Variants in RNF220 observed in about 807,000 individuals in gnomAD.
RNF220 encodes the protein ring finger protein 220, also known as E3 ubiquitin-protein ligase RNF220.
In RNF220, 7 loss-of-function variants were observed where a neutral mutation model predicts 67.1. The observed-to-expected ratio is 0.10, with a 90% CI of 0.06 to 0.20. The LOEUF is 0.20. Ranked by LOEUF, RNF220 falls within the 10% of genes least tolerant of loss-of-function variation. The pLI is 1.00. For missense variants in RNF220, 565 were observed against 740.3 expected, an observed-to-expected ratio of 0.76 and a Z score of 2.75; for synonymous variants, 270 against 283.2, an observed-to-expected ratio of 0.95 and a Z score of 0.47.
At chr1:44,560,100 T>G (rs2148286509) in intron 2 of RNF220, among the ~76,000 whole-genome samples, 1 of 152,306 alleles carries the variant, frequency 6.6e-6, no homozygotes, top group South Asian at 2.1e-4. Flanking sequence ...CTGCAGCTAC[T>G]TGATGACGGC....
intron 2 of RNF220, among the ~76,000 whole-genome samples, chr1:44,517,311 C>T (rs1049293719): frequency 1.3e-5 from 2 of 152,150 alleles, no homozygotes; most frequent in Non-Finnish European, 2.9e-5. Flanking sequence ...TCCCGGACCC[C>T]CATCTCTCCT....
At chr1:44,639,388 A>T (rs1644424131) in intron 8 of RNF220, among the ~76,000 whole-genome samples, 1 of 152,230 alleles carries the variant, frequency 6.6e-6, no homozygotes, top group Admixed American at 6.5e-5. Context: ...TCTGGAAGGG[A>T]CATGCTGGAA....
At chr1:44,631,861 C>A (rs1185492699) in intron 5 of RNF220, 3 of 974,264 alleles carry the variant, frequency 3.1e-6, no homozygotes, top group Non-Finnish European at 3.7e-6. Flanking sequence ...AGGCTTCTGC[C>A]GGTTGCTACC....
chr1:44,488,916 A>C (rs1350605826), intron 2 of RNF220, among the ~76,000 whole-genome samples: 2 of 151,780 alleles, frequency 1.3e-5, no homozygotes, highest in Non-Finnish European at 2.9e-5. Context: ...TTTTTAGTAG[A>C]GATGGGGTTT....
At chr1:44,429,164 C>A (rs1650093270) in intron 2 of RNF220, among the ~76,000 whole-genome samples, 1 of 136,528 alleles carries the variant, frequency 7.3e-6, no homozygotes. Flanking sequence ...CACTCCAACA[C>A]TAGCTTAAAA....
chr1:44,406,365 G>A lies in RNF220; in HGVS notation c.-118+835G>A, dbSNP rs192747905. 5.2e-3 allele frequency among the ~76,000 whole-genome samples: 790 copies of A among 152,350 alleles called. 8 individuals carry two copies. Among genetic ancestry groups the A allele is most frequent in the African/African-American group, 0.018 (743 of 41,586 alleles). ...TGGGCTGGACCGGCCTGGCCGTAGAGTAGCCCGACACGTGGGATCTCCCGG... is the reference window on the plus strand; with the variant it reads ...TGGGCTGGACCGGCCTGGCCGTAGAATAGCCCGACACGTGGGATCTCCCGG... On this transcript the variant is annotated intron_variant, in intron 1 of 14. Transcript: ENST00000361799.
At chr1:44,511,907 G>A (rs1010848649) in intron 2 of RNF220, among the ~76,000 whole-genome samples, 8 of 120,344 alleles carry the variant, frequency 6.6e-5, no homozygotes, top group Non-Finnish European at 8.7e-5. Context: ...ATTGAGAAGC[G>A]TGTGTGTGCG....
intron 2 of RNF220, among the ~76,000 whole-genome samples, chr1:44,478,420 CA>C (rs34851939): frequency 0.29 from 42,991 of 148,342 alleles, 7,328 homozygotes; most frequent in East Asian, 0.47. Flanking sequence ...TTATTCCATT[CA>C]AAAAAAAAAG....
chr1:44,486,191 G>A (rs1656280429), intron 2 of RNF220, among the ~76,000 whole-genome samples: 1 of 85,796 alleles, frequency 1.2e-5, no homozygotes, highest in Non-Finnish European at 2.8e-5. Context: ...AGCTAAAGCT[G>A]AGAATGTTCA....
chr1:44,456,729 G>T (rs1454122222), intron 2 of RNF220, among the ~76,000 whole-genome samples: 2 of 152,102 alleles, frequency 1.3e-5, no homozygotes, highest in Admixed American at 6.5e-5. Flanking sequence ...CCTTGCTTAG[G>T]TCTCACCAAT....
intron 2 of RNF220, among the ~76,000 whole-genome samples, chr1:44,434,474 C>T (rs958610597): frequency 1.3e-5 from 2 of 151,944 alleles, no homozygotes; most frequent in Non-Finnish European, 2.9e-5. Context: ...TTTGGGAGGC[C>T]GAGGCGGGCG....
intron 6 of RNF220, among the ~76,000 whole-genome samples, chr1:44,633,386 A>G (rs1644227473): frequency 1.3e-5 from 2 of 152,212 alleles, no homozygotes; most frequent in African/African-American, 2.4e-5. Flanking sequence ...TTCTCCAACC[A>G]TGCCATGCTA....
rs1572460013 is a variant in RNF220, at chr1:44,426,048, T to C, written c.625+13326T>C. Among the ~76,000 whole-genome samples, 7 of 152,350 alleles carry C rather than the reference T, an allele frequency of 4.6e-5. No homozygotes were observed. In the South Asian group the frequency reaches 1.4e-3, roughly 32 times the overall value. On this transcript the variant is annotated intron_variant, in intron 2 of 14. Coordinates refer to ENST00000361799, the MANE Select transcript of RNF220 (RefSeq NM_018150.4). ...TTTTTGTGAATGTAAGTTGGCAGGC[T>C]GTTTTCTATACAGACATCTCAGCTG...
At chr1:44,435,676 T>A (rs999402639) in intron 2 of RNF220, among the ~76,000 whole-genome samples, 6 of 152,212 alleles carry the variant, frequency 3.9e-5, no homozygotes, top group Admixed American at 1.3e-4. Flanking sequence ...ACGCCTGTAA[T>A]CCCAGCACTT....
Position 44,635,549 on chromosome 1 carries a change from G to A in RNF220, c.954G>A (p.Arg318=), listed in dbSNP as rs745780800. ...GTTTTCGGTTTCCCCGTGCAGCTCG[G>A]ATTGGGAAAATGAAACGGAGGAAGC... The part of the protein sequence containing the change: ...RANRQTRLNA[R]IGKMKRRKQD... Residue 318 remains arginine, a synonymous_variant, in exon 7 of 15, where the codon CGG becomes CGA. Transcript: ENST00000361799. The A allele has an allele frequency of 6.8e-6, 11 of 1,614,104 alleles. No homozygotes were observed. The highest frequency in any genetic ancestry group is 2.2e-5 in the South Asian group (2 of 91,084).
At chr1:44,527,059 G>A (rs1392528071) in intron 2 of RNF220, among the ~76,000 whole-genome samples, 1 of 151,870 alleles carries the variant, frequency 6.6e-6, no homozygotes, top group Non-Finnish European at 1.5e-5. Flanking sequence ...TTCCCGGGGT[G>A]AGCTCATCAT....
At chr1:44,418,196 G>C (rs1159632071) in intron 2 of RNF220, among the ~76,000 whole-genome samples, 1 of 152,206 alleles carries the variant, frequency 6.6e-6, no homozygotes, top group Non-Finnish European at 1.5e-5. Context: ...GGGGCGTGAG[G>C]GGGACACAGC....
At chr1:44,543,831 A>G (rs1377873037) in intron 2 of RNF220, among the ~76,000 whole-genome samples, 1 of 152,162 alleles carries the variant, frequency 6.6e-6, no homozygotes, top group East Asian at 1.9e-4. Context: ...CGTCCTGCCA[A>G]ATGGAAAAAC....
intron 2 of RNF220, among the ~76,000 whole-genome samples, chr1:44,569,765 G>A (rs1348244361): frequency 2.0e-5 from 3 of 152,188 alleles, no homozygotes; most frequent in African/African-American, 4.8e-5. Flanking sequence ...GAAGGGAGAA[G>A]GAAGGCCATG....
Sources: gnomAD v4.1 joint callset for allele counts (sites outside exome capture counted in the v4.1 genomes callset) on GRCh38, gnomAD v4.1.1 for gene constraint, MANE v1.5 for transcripts, NCBI Gene and HGNC (gene_info 2026-07-23, HGNC 2026-07-21) for gene names.